The following PPP4R3B variants were observed in gnomAD, a reference collection of about 807,000 sequenced individuals.
PPP4R3B encodes serine/threonine-protein phosphatase 4 regulatory subunit 3B.
Under a neutral mutation model 95.4 loss-of-function variants are expected in PPP4R3B, and 52 were observed. The observed-to-expected ratio is 0.54, with a 90% confidence interval of 0.44 to 0.69. PPP4R3B has a LOEUF of 0.69. Ranked by LOEUF, PPP4R3B falls within the 30% of genes least tolerant of loss-of-function variation. The pLI is 0.00. For missense variants in PPP4R3B, 1,003 were observed against 1,005.9 expected (o/e 1.00, Z 0.04); for synonymous variants, 407 against 343.9 (o/e 1.18, Z -2.03).
At chr2:55,560,667 C>T (rs968683533) in intron 15 of PPP4R3B, among the ~76,000 whole-genome samples, 1 of 151,158 alleles carries the variant, frequency 6.6e-6, no homozygotes, top group Admixed American at 6.6e-5. Flanking sequence ...GTCCCAGCTA[C>T]TTGGGAGGCT....
chr2:55,604,491 A>C (rs1323333861), intron 2 of PPP4R3B, among the ~76,000 whole-genome samples: 1 of 152,008 alleles, frequency 6.6e-6, no homozygotes, highest in East Asian at 1.9e-4. Flanking sequence ...CTAATACCTG[A>C]AAATAGGTTA....
intron 12 of PPP4R3B, among the ~76,000 whole-genome samples, chr2:55,572,218 A>G (rs1688101137): frequency 8.4e-6 from 1 of 118,884 alleles, no homozygotes; most frequent in Non-Finnish European, 2.0e-5. Flanking sequence ...TAATCTTAGG[A>G]CATAAGACTT....
At chr2:55,589,153 A>G (rs951514207) in intron 4 of PPP4R3B, among the ~76,000 whole-genome samples, 197 bp from the exon 5 acceptor site, 2 of 148,028 alleles carry the variant, frequency 1.4e-5, no homozygotes, top group Admixed American at 6.9e-5. Context: ...AAATACATCA[A>G]TATCTAGTTT....
At chr2:55,591,601 T>G (rs2104378696) in intron 4 of PPP4R3B, 1 of 983,930 alleles carries the variant, frequency 1.0e-6, no homozygotes, top group East Asian at 1.1e-4. Context: ...TTTCAAAATA[T>G]TTTCATAAGA....
In PPP4R3B at chr2:55,549,847, T is replaced by C; in HGVS notation, c.*64A>G. 3.3e-6 allele frequency: 4 copies of C among 1,228,640 alleles called. No individual in the cohort carries two copies. Among genetic ancestry groups the C allele is most frequent in the Admixed American group, 1.7e-5 (1 of 57,608 alleles). 76.1% of individuals were successfully genotyped at this position (1,228,640 alleles called of 1,614,324 possible). A position where few individuals can be genotyped will look rare whatever the true frequency, so the allele number is the denominator to read the frequency against. ...ATTGAGAAAGCTTTCTGATTCAGAT[T>C]TTCAGCTCACTGAACAGTTGCAGCA... On this transcript the variant is annotated 3_prime_UTR_variant, in exon 17 of 17. Coordinates refer to ENST00000616407, the MANE Select transcript of PPP4R3B (RefSeq NM_001122964.3).
chr2:55,559,010 T>C (rs1204140461), intron 15 of PPP4R3B, 42 bp from the exon 16 acceptor site: 2 of 1,481,178 alleles, frequency 1.4e-6, no homozygotes, highest in East Asian at 2.3e-5. Context: ...CAATAAATAC[T>C]GCTAAGTCAA....
At chr2:55,615,243 G>A (rs1215725838) in intron 2 of PPP4R3B, 3 of 514,066 alleles carry the variant, frequency 5.8e-6, no homozygotes, top group East Asian at 7.1e-5. Flanking sequence ...AGAATAAACC[G>A]ACAGTGGCTC....
intron 15 of PPP4R3B, among the ~76,000 whole-genome samples, chr2:55,560,425 A>T (rs1415451322): frequency 6.6e-6 from 1 of 152,182 alleles, no homozygotes; most frequent in African/African-American, 2.4e-5. Flanking sequence ...TGGAACTTGA[A>T]CTTGAGAGAG....
Position 55,573,797 on chromosome 2 carries a change from C to A in PPP4R3B, c.1607-20G>T. 1 of 1,429,446 alleles carries A rather than the reference C, an allele frequency of 7.0e-7. No homozygotes were observed. The allele number at this position is 1,429,446 out of a possible 1,614,324, so 88.5% of individuals were successfully genotyped here. ...AATTATCTACAAAAGAAAGTAATCT[C>A]ATGAAAATAAATATTGAATATATCT... On this transcript the variant is annotated intron_variant, in intron 11 of 16. Coordinates refer to ENST00000616407, the MANE Select transcript of PPP4R3B (RefSeq NM_001122964.3).
chr2:55,604,997 C>T (rs902781681), intron 2 of PPP4R3B, among the ~76,000 whole-genome samples: 1 of 151,832 alleles, frequency 6.6e-6, no homozygotes, highest in Admixed American at 6.6e-5. Flanking sequence ...ACACACCACG[C>T]CACACTAATT....
At chr2:55,560,917 A>G (rs1321374542) in intron 15 of PPP4R3B, among the ~76,000 whole-genome samples, 1 of 152,216 alleles carries the variant, frequency 6.6e-6, no homozygotes, top group Non-Finnish European at 1.5e-5. Flanking sequence ...AAAGTTTGGA[A>G]AACTTGCAGC....
At chr2:55,592,684 T>G (rs1691200117) in intron 4 of PPP4R3B, among the ~76,000 whole-genome samples, 1 of 152,152 alleles carries the variant, frequency 6.6e-6, no homozygotes, top group African/African-American at 2.4e-5. Flanking sequence ...AGCTTAACTC[T>G]TACCTATGGA....
intron 4 of PPP4R3B, among the ~76,000 whole-genome samples, chr2:55,596,202 C>T (rs896862097): frequency 1.3e-5 from 2 of 152,168 alleles, no homozygotes; most frequent in Non-Finnish European, 1.5e-5. Context: ...TGCAAGGACT[C>T]ATTTAATTTT....
At chr2:55,574,949 T>C (rs1227543527) in intron 11 of PPP4R3B, among the ~76,000 whole-genome samples, 1 of 147,864 alleles carries the variant, frequency 6.8e-6, no homozygotes, top group Non-Finnish European at 1.5e-5. Context: ...TTTTTTTTTT[T>C]TTTTTTGAGA....
chr2:55,608,214 A>G (rs1319142369), intron 2 of PPP4R3B, among the ~76,000 whole-genome samples: 1 of 152,220 alleles, frequency 6.6e-6, no homozygotes, highest in African/African-American at 2.4e-5. Flanking sequence ...CATGTTGGCC[A>G]GGCTGGTCTT....
chr2:55,603,218 G>C (rs900566535), intron 3 of PPP4R3B, among the ~76,000 whole-genome samples: 1 of 152,278 alleles, frequency 6.6e-6, no homozygotes, highest in East Asian at 1.9e-4. Flanking sequence ...CTCCCAAAGC[G>C]CTAGGATTAC....
rs570162162 is a variant in PPP4R3B, at chr2:55,572,063, G to A, written c.1765+1556C>T. Among the ~76,000 whole-genome samples the A allele has an allele frequency of 9.2e-5, 14 of 152,316 alleles. No individual in the cohort carries two copies. In the South Asian group the frequency reaches 2.7e-3, roughly 29 times the overall value. ...GTATGGTTGCCTTAATAAAGGTGCT[G>A]ATACTGTTGGCTATGTATCTAGGAA... On this transcript the variant is annotated intron_variant, in intron 12 of 16. Coordinates refer to ENST00000616407, the MANE Select transcript of PPP4R3B (RefSeq NM_001122964.3).
At chr2:55,591,129 T>C (rs1690957586) in intron 4 of PPP4R3B, among the ~76,000 whole-genome samples, 1 of 151,792 alleles carries the variant, frequency 6.6e-6, no homozygotes, top group African/African-American at 2.4e-5. Context: ...TATTTAGCCC[T>C]CAAGTTAGTT....
At chr2:55,576,504 A>G (rs1267980093) in intron 11 of PPP4R3B, among the ~76,000 whole-genome samples, 1 of 152,050 alleles carries the variant, frequency 6.6e-6, no homozygotes, top group Non-Finnish European at 1.5e-5. Flanking sequence ...GCACTTTGGG[A>G]GGCCGAGGCG....
Sources: allele counts gnomAD v4.1 joint callset (sites outside exome capture counted in the v4.1 genomes callset), GRCh38; gene constraint gnomAD v4.1.1; transcripts MANE v1.5; gene names NCBI Gene and HGNC (gene_info 2026-07-23, HGNC 2026-07-21).